The following ZRANB3 variants were observed in gnomAD, a reference collection of about 807,000 sequenced individuals.
ZRANB3 encodes the protein zinc finger RANBP2-type containing 3.
A neutral mutation model predicts 133.8 loss-of-function variants in ZRANB3; 125 were observed. The observed-to-expected ratio is 0.93, with a 90% CI of 0.81 to 1.08. The LOEUF (loss-of-function observed/expected upper bound fraction) is 1.08, where lower values mean the gene tolerates loss of function less well. ZRANB3 is among the 50% of genes least tolerant of loss of function. The pLI, the probability that ZRANB3 is intolerant of heterozygous loss-of-function variation, is 0.00. For synonymous variants in ZRANB3, 387 were observed against 432.7 expected (o/e 0.89, Z 1.31); for missense variants, 1,229 against 1,275.5 (o/e 0.96, Z 0.56).
At chr2:135,310,273 T>A (rs772064903) in intron 8 of ZRANB3, among the ~76,000 whole-genome samples, 17 of 152,116 alleles carry the variant, frequency 1.1e-4, no homozygotes, top group Admixed American at 6.5e-4. Flanking sequence ...AATCAAGCCA[T>A]TGTAGTATAA....
intron 2 of ZRANB3, among the ~76,000 whole-genome samples, chr2:135,445,469 T>G (rs1350981202): frequency 6.6e-6 from 1 of 151,016 alleles, no homozygotes; most frequent in African/African-American, 2.4e-5. Flanking sequence ...AAGGGGAAAA[T>G]AGTGTGCTTT....
intron 12 of ZRANB3, among the ~76,000 whole-genome samples, chr2:135,255,729 C>T (rs1021283609): frequency 7.3e-5 from 11 of 151,322 alleles, no homozygotes; most frequent in African/African-American, 2.7e-4. Flanking sequence ...TGATGATAGT[C>T]CTGGCTACTT....
At chr2:135,324,329 A>G (rs542691072) in intron 6 of ZRANB3, among the ~76,000 whole-genome samples, 1 of 148,132 alleles carries the variant, frequency 6.8e-6, no homozygotes, top group East Asian at 2.0e-4. Flanking sequence ...AGAATATGCG[A>G]TGTTTGGTTT....
chr2:135,392,254 C>A (rs1687269502), intron 2 of ZRANB3, among the ~76,000 whole-genome samples: 1 of 145,722 alleles, frequency 6.9e-6, no homozygotes, highest in Non-Finnish European at 1.5e-5. Flanking sequence ...TTGGAAGCCA[C>A]ACTGAGCTAT....
At chr2:135,493,591 C>G (rs1331316992) in intron 2 of ZRANB3, among the ~76,000 whole-genome samples, 1 of 151,906 alleles carries the variant, frequency 6.6e-6, no homozygotes, top group Non-Finnish European at 1.5e-5. Flanking sequence ...TCAGAAAGTA[C>G]AAAGTAAAAC....
chr2:135,308,545 T>C (rs1682808660), intron 8 of ZRANB3, among the ~76,000 whole-genome samples: 1 of 152,230 alleles, frequency 6.6e-6, no homozygotes, highest in Admixed American at 6.5e-5. Context: ...GGACCACTTT[T>C]ATTGTGATCT....
intron 12 of ZRANB3, among the ~76,000 whole-genome samples, chr2:135,258,654 C>A (rs1679784536): frequency 6.6e-6 from 1 of 152,158 alleles, no homozygotes; most frequent in Admixed American, 6.5e-5. Context: ...AATGAGGCTG[C>A]CCTCATGTCC....
intron 2 of ZRANB3, among the ~76,000 whole-genome samples, chr2:135,395,180 C>T (rs374237577): frequency 5.9e-5 from 9 of 152,008 alleles, no homozygotes; most frequent in African/African-American, 9.6e-5. Flanking sequence ...AATAGAGAAC[C>T]GAGAAACAAA....
At chr2:135,396,688 G>C (rs1465871041) in intron 2 of ZRANB3, among the ~76,000 whole-genome samples, 1 of 151,788 alleles carries the variant, frequency 6.6e-6, no homozygotes, top group African/African-American at 2.4e-5. Flanking sequence ...TGGGGTAGGG[G>C]GAAAGTCGGG....
intron 8 of ZRANB3, among the ~76,000 whole-genome samples, chr2:135,289,803 T>G (rs1681593745): frequency 6.6e-6 from 1 of 152,166 alleles, no homozygotes; most frequent in Non-Finnish European, 1.5e-5. Context: ...CATGGGAGGC[T>G]GAGGCAGGAG....
chr2:135,208,988 T>A lies in ZRANB3; in HGVS notation c.2496-10A>T. 3 of 1,609,738 alleles carry A rather than the reference T, an allele frequency of 1.9e-6. No homozygotes were observed. Among genetic ancestry groups the A allele is most frequent in the Non-Finnish European group, 2.6e-6 (3 of 1,176,016 alleles). On this transcript the variant is annotated splice_polypyrimidine_tract_variant and intron_variant, in intron 17 of 20. Coordinates refer to ENST00000264159, the MANE Select transcript of ZRANB3 (RefSeq NM_032143.4). ...TTCTTTGGTTATGTATCTAAAACAA[T>A]GATATGTTAAATAGATTCCCTCTAT... is the stretch of plus-strand genomic sequence containing the variant.
intron 15 of ZRANB3, 101 bp downstream of exon 15, chr2:135,224,325 G>C (rs1694671328): frequency 1.1e-6 from 1 of 889,608 alleles, no homozygotes; most frequent in South Asian, 2.3e-5. Context: ...AAAATAACTA[G>C]ATGCTTATCT....
At chr2:135,524,251 T>C (rs1694060882) in intron 1 of ZRANB3, among the ~76,000 whole-genome samples, 1 of 152,154 alleles carries the variant, frequency 6.6e-6, no homozygotes. Context: ...CTGGCTACTT[T>C]TTTGTATTTT....
intron 2 of ZRANB3, among the ~76,000 whole-genome samples, chr2:135,391,857 G>A (rs1687248676): frequency 6.6e-6 from 1 of 152,286 alleles, no homozygotes; most frequent in Admixed American, 6.5e-5. Flanking sequence ...GGGATTACAG[G>A]TGTGAGCCAC....
At chr2:135,206,788 A>T (rs949279315) in intron 19 of ZRANB3, among the ~76,000 whole-genome samples, 2 of 151,654 alleles carry the variant, frequency 1.3e-5, no homozygotes, top group African/African-American at 4.8e-5. Flanking sequence ...GGATAGAAGG[A>T]AGGAAGGAGG....
intron 19 of ZRANB3, among the ~76,000 whole-genome samples, chr2:135,205,940 C>A (rs1693837775): frequency 6.6e-6 from 1 of 152,144 alleles, no homozygotes; most frequent in Non-Finnish European, 1.5e-5. Flanking sequence ...TGATATACTG[C>A]ACCACCTGTT....
chr2:135,470,706 C>T (rs1260690793), intron 2 of ZRANB3, among the ~76,000 whole-genome samples: 1 of 151,602 alleles, frequency 6.6e-6, no homozygotes, highest in East Asian at 1.9e-4. Flanking sequence ...CAAAACAGAA[C>T]AAAAACTGAA....
At chr2:135,465,409 T>A (rs1344177203) in intron 2 of ZRANB3, among the ~76,000 whole-genome samples, 1 of 151,912 alleles carries the variant, frequency 6.6e-6, no homozygotes, top group Non-Finnish European at 1.5e-5. Flanking sequence ...TGTAAACATT[T>A]CCCCCTTAAC....
chr2:135,366,573 C>T (rs1157793619), intron 3 of ZRANB3, among the ~76,000 whole-genome samples: 1 of 151,298 alleles, frequency 6.6e-6, no homozygotes, highest in Non-Finnish European at 1.5e-5. Flanking sequence ...TCAAATGAGA[C>T]AGCAAAATCA....
Sources: allele counts gnomAD v4.1 joint callset (sites outside exome capture counted in the v4.1 genomes callset), GRCh38; gene constraint gnomAD v4.1.1; transcripts MANE v1.5; gene names NCBI Gene and HGNC (gene_info 2026-07-23, HGNC 2026-07-21).